L1CAM: variants seen among roughly 807,000 people sequenced by gnomAD.
The protein encoded by L1CAM is L1 cell adhesion molecule, also known as neural cell adhesion molecule L1.
In L1CAM, 8 loss-of-function variants were observed where a neutral mutation model predicts 93.0. That is an observed-to-expected ratio of 0.09 (90% CI 0.05 to 0.16). The LOEUF is 0.16. Ranked by LOEUF, L1CAM falls within the 10% of genes least tolerant of loss-of-function variation. L1CAM has a pLI of 1.00. For missense variants in L1CAM, 777 were observed against 1,073.4 expected (o/e 0.72, Z 3.86); for synonymous variants, 453 against 453.0 (o/e 1.00, Z 0.00).
At position 153,865,464 on chromosome X, in the gene L1CAM, T is replaced by C. The variant is rs2148494141; in HGVS notation, c.2584A>G (p.Ser862Gly). The C allele has an allele frequency of 8.3e-7, 1 of 1,211,672 alleles. No individual in the cohort carries two copies. Among genetic ancestry groups the C allele is most frequent in the Non-Finnish European group, 1.1e-6 (1 of 895,397 alleles). The change falls in exon 21 of 29, where the codon AGC becomes GGC. Residue 862 changes from serine to glycine, a missense_variant. Ser to Gly is a moderately conservative substitution (Grantham distance 56). Transcript: ENST00000370060. ...YWREGSQRKH[S>G]KRHIHKDHVV... ...TGGTCTTTGTGGATATGTCTCTTGC[T>C]GTGCTTCCTCTGACTGCCCTCCCTC...
At position 153,873,847 on chromosome X, in the gene L1CAM, C is replaced by A. The variant is rs140715824; in HGVS notation, c.77-605G>T. Among the ~76,000 whole-genome samples the A allele has an allele frequency of 3.3e-3, 369 of 112,793 alleles. 3 individuals are homozygous for A. Among genetic ancestry groups the A allele is most frequent in the African/African-American group, 0.012 (360 of 31,116 alleles). On this transcript the variant is annotated intron_variant, in intron 2 of 28. Coordinates refer to ENST00000370060, the MANE Select transcript of L1CAM (RefSeq NM_001278116.2). ...CTTCTCCCTCCTTCCTCCCAGACAGCCACCAAGCTCTCTGGGGCAGAGGCC... is the reference window on the plus strand; with the variant it reads ...CTTCTCCCTCCTTCCTCCCAGACAGACACCAAGCTCTCTGGGGCAGAGGCC...
At chrX:153,871,266 G>GGGGGGGGGGC in intron 5 of L1CAM, 87 bp from the exon 6 acceptor site, 5 of 490,614 alleles carry the variant, frequency 1.0e-5, no homozygotes, top group Admixed American at 5.8e-5. Flanking sequence ...GGGGTGGCGG[G>GGGGGGGGGGC]CTACACCAGG....
rs2064720382 is a variant in L1CAM at position 153,867,047 on chromosome X, C to T, written c.2208+7G>A. ...TCCCCCAGGCAGCTCAGCCCAGGGA[C>T]TCTCACCTTCCACGTGATGACCATA... On this transcript the variant is annotated splice_region_variant and intron_variant, in intron 18 of 28. Transcript: ENST00000370060. 1 of 1,206,540 alleles carries T rather than the reference C, an allele frequency of 8.3e-7. No homozygotes were observed. The highest frequency in any genetic ancestry group is 3.0e-5 in the East Asian group (1 of 33,854).
chrX:153,871,047 C>T lies in L1CAM; in HGVS notation c.523+10G>A, dbSNP rs199936251. On this transcript the variant is annotated intron_variant, in intron 6 of 28. Transcript: ENST00000370060. Reference sequence around the variant, plus strand: ...CCGACCCCACGAGGCAGCCGCTCGCCGGCACCCACTGCTGTTCATCCAGTA... The same window carrying T: ...CCGACCCCACGAGGCAGCCGCTCGCTGGCACCCACTGCTGTTCATCCAGTA... 35 of 1,209,173 alleles carry T rather than the reference C, an allele frequency of 2.9e-5. No individual in the cohort carries two copies. The highest frequency in any genetic ancestry group is 2.6e-4 in the South Asian group (15 of 56,799).
intron 1 of L1CAM, chrX:153,885,668 C>T (rs1236723063): frequency 1.0e-5 from 3 of 295,893 alleles, no homozygotes; most frequent in Non-Finnish European, 1.7e-5. Flanking sequence ...CCACACCCCA[C>T]GGCGGCCTGT....
In L1CAM at chrX:153,877,604, G is replaced by A. The variant is rs782708896; in HGVS notation, c.-108-1660C>T. Reference sequence around the variant, plus strand: ...ATCGCACCATTGCACTCCAGCCTGGGCAACAAGAGCGAAACTCCATCTCAA... The same window carrying A: ...ATCGCACCATTGCACTCCAGCCTGGACAACAAGAGCGAAACTCCATCTCAA... On this transcript the variant is annotated intron_variant, in intron 1 of 28. Coordinates refer to ENST00000370060, the MANE Select transcript of L1CAM (RefSeq NM_001278116.2). Among the ~76,000 whole-genome samples, 709 of 112,074 alleles carry A rather than the reference G, an allele frequency of 6.3e-3. 3 individuals carry two copies. Among genetic ancestry groups the A allele is most frequent in the Non-Finnish European group, 9.6e-3 (511 of 53,184 alleles).
intron 1 of L1CAM, chrX:153,876,295 C>T (rs530270753): frequency 1.4e-5 from 4 of 279,379 alleles, no homozygotes; most frequent in South Asian, 1.1e-4. Context: ...TGCAGGTGTC[C>T]GTGGGCATGT....
chrX:153,873,129 C>A, intron 3 of L1CAM, 99 bp downstream of exon 3: 1 of 836,182 alleles, frequency 1.2e-6, no homozygotes, highest in South Asian at 2.0e-5. Flanking sequence ...CCGAGCAGGG[C>A]CCCGGCACTC....
chrX:153,882,083 C>T lies in L1CAM; in HGVS notation c.-109+3982G>A, dbSNP rs782332943. ...GGGATACCTAGCCTGTGTTGGTTTG[C>T]GGGGGGCGGGGTGGGGGTGCCTGGA... is the stretch of plus-strand genomic sequence containing the variant. On this transcript the variant is annotated intron_variant, in intron 1 of 28. Transcript: ENST00000370060. Among the ~76,000 whole-genome samples the T allele has an allele frequency of 7.7e-5, 8 of 104,372 alleles. 1 individual carries two copies. Among genetic ancestry groups the T allele is most frequent in the Non-Finnish European group, 1.4e-4 (7 of 50,733 alleles). 90.6% of individuals were successfully genotyped at this position (104,372 alleles called of 115,157 possible). A position where few individuals can be genotyped will look rare whatever the true frequency, so the allele number is the denominator to read the frequency against.
chrX:153,872,116 G>A (rs1458269055), intron 5 of L1CAM, 36 bp downstream of exon 5: 10 of 1,139,072 alleles, frequency 8.8e-6, no homozygotes, highest in Non-Finnish European at 1.1e-5. Flanking sequence ...ACGAACTCCG[G>A]GACCTGCCCT....
chrX:153,883,073 C>G (rs1233218682), intron 1 of L1CAM, among the ~76,000 whole-genome samples: 1 of 111,797 alleles, frequency 8.9e-6, no homozygotes, highest in Non-Finnish European at 1.9e-5. Flanking sequence ...TCCACTCAGA[C>G]AAGGCCCCCA....
At chrX:153,863,607 G>A (rs959005447) in intron 26 of L1CAM, 58 bp from the exon 27 acceptor site, 2 of 1,066,828 alleles carry the variant, frequency 1.9e-6, no homozygotes, top group African/African-American at 3.7e-5. Context: ...CGGGGCTCCA[G>A]GCCCCTCTAC....
chrX:153,878,493 T>A (rs1557095098), intron 1 of L1CAM, among the ~76,000 whole-genome samples: 1 of 112,561 alleles, frequency 8.9e-6, no homozygotes, highest in East Asian at 2.8e-4. Flanking sequence ...CAACAGTGGA[T>A]CTGTTCCACC....
In L1CAM at chrX:153,864,035, G is replaced by GC. The variant is rs782818719; in HGVS notation, c.3323-19dup. ...CACGCGGCCTGAGGGTGAGACACCA[G>GC]CCCCCCGTGCTGCCGCCCAAGCCAG... is the stretch of plus-strand genomic sequence containing the variant. On this transcript the variant is annotated intron_variant, in intron 25 of 28. Transcript: ENST00000370060. 1.4e-3 allele frequency: 1,685 copies of GC among 1,209,960 alleles called. No homozygotes were observed. Among genetic ancestry groups the GC allele is most frequent in the Non-Finnish European group, 1.8e-3 (1,611 of 894,848 alleles).
intron 17 of L1CAM, 88 bp downstream of exon 17, chrX:153,867,268 A>G: frequency 2.0e-6 from 2 of 1,015,307 alleles, no homozygotes; most frequent in Non-Finnish European, 2.8e-6. Flanking sequence ...GAAGCAGAGG[A>G]ACTTGGGCAT....
intron 19 of L1CAM, among the ~76,000 whole-genome samples, chrX:153,866,141 C>T (rs2064710404): frequency 9.1e-6 from 1 of 110,026 alleles, no homozygotes; most frequent in Non-Finnish European, 1.9e-5. Flanking sequence ...ATGGTGCAAC[C>T]GCATCTCTAC....
chrX:153,867,775 G>T (rs781896594), intron 16 of L1CAM, 25 bp downstream of exon 16: 1 of 1,162,067 alleles, frequency 8.6e-7, no homozygotes, highest in South Asian at 1.8e-5. Context: ...TGACGGTGGG[G>T]TGGCACTGAG....
At chrX:153,885,490 A>C in intron 1 of L1CAM, 1 of 832,746 alleles carries the variant, frequency 1.2e-6, no homozygotes, top group Non-Finnish European at 1.6e-6. Context: ...AGGAGAACAA[A>C]GCCCCCCCAA....
chrX:153,874,079 G>C (rs1451989130), intron 2 of L1CAM, among the ~76,000 whole-genome samples: 2 of 112,565 alleles, frequency 1.8e-5, no homozygotes, highest in African/African-American at 3.2e-5. Flanking sequence ...TGGTGACAGG[G>C]ATGACAGGAT....
Sources: gnomAD v4.1 joint callset for allele counts (sites outside exome capture counted in the v4.1 genomes callset) on GRCh38, gnomAD v4.1.1 for gene constraint, MANE v1.5 for transcripts, NCBI Gene and HGNC (gene_info 2026-07-23, HGNC 2026-07-21) for gene names.